Variants in HS3ST5 observed in about 807,000 individuals in gnomAD.
HS3ST5 encodes heparan sulfate glucosamine 3-O-sulfotransferase 5.
In HS3ST5, 10 loss-of-function variants were observed where a neutral mutation model predicts 25.4. That is an observed-to-expected ratio of 0.39 (90% CI 0.24 to 0.67). The LOEUF is 0.67. HS3ST5 is among the 30% of genes least tolerant of loss of function. The pLI, the probability that HS3ST5 is intolerant of heterozygous loss-of-function variation, is 0.44. For synonymous variants in HS3ST5, 170 were observed against 162.4 expected, an observed-to-expected ratio of 1.05 and a Z score of -0.36; for missense variants, 324 against 420.7, an observed-to-expected ratio of 0.77 and a Z score of 2.01.
chr6:114,211,631 C>T (rs1026576825), intron 2 of HS3ST5, among the ~76,000 whole-genome samples: 5 of 152,106 alleles, frequency 3.3e-5, no homozygotes, highest in African/African-American at 1.2e-4. Flanking sequence ...TTTACTAAGA[C>T]AAGCATTTAA....
At chr6:114,082,783 C>G (rs1284317699) in intron 3 of HS3ST5, among the ~76,000 whole-genome samples, 1 of 152,202 alleles carries the variant, frequency 6.6e-6, no homozygotes, top group Non-Finnish European at 1.5e-5. Context: ...CTGACTCATT[C>G]CAATTACCTG....
Position 114,197,436 on chromosome 6 carries a change from T to A in HS3ST5, c.-144-28974A>T, listed in dbSNP as rs576987276. ...TTTATCCTCCAGTTGAATTTTATAA[T>A]CATTTGTCAAATTTAAAAAATCTCA... On this transcript the variant is annotated intron_variant, in intron 2 of 4. Coordinates refer to ENST00000312719, the MANE Select transcript of HS3ST5 (RefSeq NM_153612.4). 2.0e-5 allele frequency among the ~76,000 whole-genome samples: 3 copies of A among 152,288 alleles called. No individual in the cohort carries two copies. In the East Asian group the frequency reaches 5.8e-4, roughly 29 times the overall value.
chr6:114,328,681 A>G (rs918977676), intron 1 of HS3ST5, among the ~76,000 whole-genome samples: 2 of 152,208 alleles, frequency 1.3e-5, no homozygotes, highest in Non-Finnish European at 2.9e-5. Context: ...AACGCTAAAC[A>G]TGTAATAATA....
At chr6:114,298,638 G>A (rs535912128) in intron 1 of HS3ST5, among the ~76,000 whole-genome samples, 1 of 152,222 alleles carries the variant, frequency 6.6e-6, no homozygotes, top group Non-Finnish European at 1.5e-5. Context: ...TTGCGGGAAG[G>A]CAGGGACCCC....
At position 114,299,344 on chromosome 6, in the gene HS3ST5, C is replaced by T. The variant is rs150899794; in HGVS notation, c.-339+42851G>A. On this transcript the variant is annotated intron_variant, in intron 1 of 4. Coordinates refer to ENST00000312719, the MANE Select transcript of HS3ST5 (RefSeq NM_153612.4). ...AGATGTTATCAATGACAATGGTGCC[C>T]GAAACTTCATTAGCAATTTTAATTT... 9.2e-5 allele frequency among the ~76,000 whole-genome samples: 14 copies of T among 152,196 alleles called. No homozygotes were observed. The East Asian group carries it at 2.1e-3, about 23-fold the overall frequency.
chr6:114,069,516 A>ATTTT (rs373504728), intron 3 of HS3ST5, among the ~76,000 whole-genome samples: 4 of 130,680 alleles, frequency 3.1e-5, no homozygotes, highest in Non-Finnish European at 6.5e-5. Flanking sequence ...ACATGGGAGA[A>ATTTT]TTTTTTTTTT....
intron 3 of HS3ST5, among the ~76,000 whole-genome samples, chr6:114,080,005 G>A (rs1774361310): frequency 6.6e-6 from 1 of 152,084 alleles, no homozygotes; most frequent in Non-Finnish European, 1.5e-5. Context: ...TTGAACTTCC[G>A]ACCTTAGGTG....
In HS3ST5 at chr6:114,183,570, A is replaced by G. The variant is rs115554635; in HGVS notation, c.-144-15108T>C. Among the ~76,000 whole-genome samples, 381 of 152,244 alleles carry G rather than the reference A, an allele frequency of 2.5e-3. 1 individual carries two copies. The highest frequency in any genetic ancestry group is 8.8e-3 in the African/African-American group (364 of 41,544). On this transcript the variant is annotated intron_variant, in intron 2 of 4. Coordinates refer to ENST00000312719, the MANE Select transcript of HS3ST5 (RefSeq NM_153612.4). The stretch of plus-strand genomic sequence containing the variant: ...TCCTATTGGTTCTGTGTCTCTGGAG[A>G]GTCCTGACTAACACAGAAACTGGTA...
At chr6:114,163,535 C>CTTAGA in intron 3 of HS3ST5, among the ~76,000 whole-genome samples, 1 of 152,204 alleles carries the variant, frequency 6.6e-6, no homozygotes, top group Non-Finnish European at 1.5e-5. Context: ...GAATTGGTAA[C>CTTAGA]TTAGATCTGC....
At chr6:114,339,610 G>A (rs1333940947) in intron 1 of HS3ST5, among the ~76,000 whole-genome samples, 1 of 152,130 alleles carries the variant, frequency 6.6e-6, no homozygotes, top group Non-Finnish European at 1.5e-5. Context: ...ACTCATAAAT[G>A]AATACTAATG....
intron 3 of HS3ST5, among the ~76,000 whole-genome samples, chr6:114,067,373 A>T (rs764808679): frequency 1.3e-5 from 2 of 152,238 alleles, no homozygotes; most frequent in African/African-American, 2.4e-5. Flanking sequence ...AGTTTAGCAG[A>T]CAGGAAAAAG....
chr6:114,250,580 CA>C (rs11289635), intron 1 of HS3ST5, among the ~76,000 whole-genome samples: 52,948 of 118,742 alleles, frequency 0.45, 9,173 homozygotes, highest in African/African-American at 0.52. Context: ...GACTCCGTCT[CA>C]AAAAAAAAAA....
intron 3 of HS3ST5, among the ~76,000 whole-genome samples, chr6:114,155,899 C>T (rs1778676584): frequency 6.6e-6 from 1 of 152,070 alleles, no homozygotes; most frequent in African/African-American, 2.4e-5. Context: ...TACCTTAGTG[C>T]ACCAACAGGA....
At chr6:114,145,241 C>A (rs1259076211) in intron 3 of HS3ST5, among the ~76,000 whole-genome samples, 1 of 152,196 alleles carries the variant, frequency 6.6e-6, no homozygotes, top group Non-Finnish European at 1.5e-5. Context: ...TCTCACACAG[C>A]TCAAAGACTG....
At chr6:114,147,622 C>G (rs1562215509) in intron 3 of HS3ST5, among the ~76,000 whole-genome samples, 1 of 152,106 alleles carries the variant, frequency 6.6e-6, no homozygotes, top group Non-Finnish European at 1.5e-5. Flanking sequence ...GCTCTGTCAC[C>G]CAGGCTGGAG....
chr6:114,148,254 C>T (rs1214708621), intron 3 of HS3ST5, among the ~76,000 whole-genome samples: 12 of 152,260 alleles, frequency 7.9e-5, no homozygotes, highest in Admixed American at 4.6e-4. Flanking sequence ...AACTGGACCC[C>T]TTCCTTACAC....
intron 1 of HS3ST5, among the ~76,000 whole-genome samples, chr6:114,242,862 A>G (rs1045539373): frequency 4.7e-5 from 7 of 150,386 alleles, no homozygotes; most frequent in Non-Finnish European, 7.4e-5. Flanking sequence ...TCCGTCTCAA[A>G]AAAAAAAAAA....
At chr6:114,332,675 A>G (rs1776450553) in intron 1 of HS3ST5, among the ~76,000 whole-genome samples, 2 of 152,264 alleles carry the variant, frequency 1.3e-5, no homozygotes, top group South Asian at 4.1e-4. Context: ...CAGGGGAATA[A>G]CATTAACTCA....
intron 3 of HS3ST5, among the ~76,000 whole-genome samples, chr6:114,080,886 G>A (rs1774418113): frequency 8.5e-6 from 1 of 117,706 alleles, no homozygotes; most frequent in Non-Finnish European, 1.9e-5. Flanking sequence ...AGGGTACAAT[G>A]TACCCAGGTA....
Sources: gnomAD v4.1 joint callset for allele counts (sites outside exome capture counted in the v4.1 genomes callset) on GRCh38, gnomAD v4.1.1 for gene constraint, MANE v1.5 for transcripts, NCBI Gene and HGNC (gene_info 2026-07-23, HGNC 2026-07-21) for gene names.